DRC9: variants seen among roughly 807,000 people sequenced by gnomAD.
The protein encoded by DRC9 is dynein regulatory complex protein 9.
chr3:197,922,745 T>TAA, the DRC9 span, among the ~76,000 whole-genome samples: 36,721 of 150,782 alleles, frequency 0.24, 5,563 homozygotes, highest in African/African-American at 0.44. Flanking sequence ...AATAAATAAA[T>TAA]ATCTTCTATT....
the DRC9 span, chr3:197,954,301 ATTGAAAGAAT>A: frequency 1.3e-6 from 1 of 766,824 alleles, no homozygotes; most frequent in Non-Finnish European, 2.3e-6. Context: ...AGAGATAGTA[ATTGAAAGAAT>A]TAGGTGTTTG....
chr3:197,904,185 T>C, the DRC9 span, among the ~76,000 whole-genome samples: 1 of 150,028 alleles, frequency 6.7e-6, no homozygotes, highest in Non-Finnish European at 1.5e-5. Flanking sequence ...AACAGACATA[T>C]AGAAAGGTGC....
the DRC9 span, chr3:197,943,932 A>G: frequency 8.1e-6 from 13 of 1,614,048 alleles, no homozygotes; most frequent in South Asian, 1.1e-4. Context: ...GATGATTTCT[A>G]TGTCTGTTTC....
chr3:197,891,567 T>C, the DRC9 span: 24 of 1,355,978 alleles, frequency 1.8e-5, no homozygotes, highest in South Asian at 2.8e-4. Context: ...TAGACATTCA[T>C]CATTTATTAT....
At chr3:197,951,128 T>C in the DRC9 span, 3 of 1,613,940 alleles carry the variant, frequency 1.9e-6, no homozygotes, top group Non-Finnish European at 2.5e-6. Flanking sequence ...TTGAAGCTTA[T>C]GTTTCATGTT....
chr3:197,889,312 A>G, the DRC9 span: 1 of 448,522 alleles, frequency 2.2e-6, no homozygotes, highest in African/African-American at 1.9e-5. Context: ...AGCAAGAAGA[A>G]TGAATCTTCA....
the DRC9 span, chr3:197,952,749 C>T: frequency 6.6e-6 from 1 of 152,308 alleles, no homozygotes; most frequent in Non-Finnish European, 1.5e-5. Context: ...CTGCCTCGGC[C>T]TCCCAGAGTG....
the DRC9 span, among the ~76,000 whole-genome samples, chr3:197,902,157 TAG>T: frequency 6.6e-6 from 1 of 152,224 alleles, no homozygotes; most frequent in Non-Finnish European, 1.5e-5. Flanking sequence ...ACCACAGAAT[TAG>T]GGGCTTGGAG....
At chr3:197,898,179 G>A in the DRC9 span, among the ~76,000 whole-genome samples, 204 of 152,174 alleles carry the variant, frequency 1.3e-3, no homozygotes, top group African/African-American at 4.5e-3. Context: ...GGAAGCCTAC[G>A]CTCTTCCCTC....
chr3:197,903,822 CA>C, the DRC9 span, among the ~76,000 whole-genome samples: 3 of 151,280 alleles, frequency 2.0e-5, no homozygotes, highest in Admixed American at 6.6e-5. Context: ...AAAAATGGGC[CA>C]AAAGGGCCGA....
chr3:197,890,503 C>A, the DRC9 span, among the ~76,000 whole-genome samples: 1 of 151,574 alleles, frequency 6.6e-6, no homozygotes, highest in Non-Finnish European at 1.5e-5. Flanking sequence ...GATCAGTTGT[C>A]CTAGTACTTT....
chr3:197,890,238 T>TA, the DRC9 span, among the ~76,000 whole-genome samples: 1 of 151,202 alleles, frequency 6.6e-6, no homozygotes, highest in Non-Finnish European at 1.5e-5. Context: ...TCTACAAAAA[T>TA]ACAAAAAAGA....
chr3:197,921,607 T>A, the DRC9 span, among the ~76,000 whole-genome samples: 5 of 152,214 alleles, frequency 3.3e-5, no homozygotes, highest in East Asian at 9.7e-4. Flanking sequence ...GGATTTAACC[T>A]GGTTTCATCT....
chr3:197,938,547 C>T, the DRC9 span: 1 of 1,604,526 alleles, frequency 6.2e-7, no homozygotes, highest in Non-Finnish European at 8.5e-7. Flanking sequence ...TCCTTCCTTA[C>T]CTATCAATCT....
the DRC9 span, among the ~76,000 whole-genome samples, chr3:197,923,375 C>G: frequency 6.6e-6 from 1 of 152,106 alleles, no homozygotes; most frequent in African/African-American, 2.4e-5. Flanking sequence ...AAACCCCAGG[C>G]CTCAAATGAT....
the DRC9 span, chr3:197,953,865 A>G: frequency 1.3e-6 from 1 of 776,538 alleles, no homozygotes. Flanking sequence ...TGTTGAATGA[A>G]TGGTGTTCTA....
chr3:197,931,537 T>C, the DRC9 span, among the ~76,000 whole-genome samples: 1 of 152,126 alleles, frequency 6.6e-6, no homozygotes, highest in Non-Finnish European at 1.5e-5. Flanking sequence ...AATTCATAAA[T>C]TGAAAGGTTC....
the DRC9 span, chr3:197,950,078 G>C: frequency 2.5e-6 from 3 of 1,197,088 alleles, no homozygotes; most frequent in Admixed American, 8.4e-5. Flanking sequence ...GCTTATTTCA[G>C]TGCGAAGCCG....
chr3:197,889,304 CAAG>C, the DRC9 span: 1 of 426,134 alleles, frequency 2.3e-6, no homozygotes, highest in African/African-American at 2.0e-5. Flanking sequence ...TGAGAAAGAG[CAAG>C]AAGAATGAAT....
Sources: gnomAD v4.1 joint callset for allele counts (sites outside exome capture counted in the v4.1 genomes callset) on GRCh38, gnomAD v4.1.1 for gene constraint, MANE v1.5 for transcripts, NCBI Gene and HGNC (gene_info 2026-07-23, HGNC 2026-07-21) for gene names.